The following EPB42 variants were observed in gnomAD, a reference collection of about 807,000 sequenced individuals.
EPB42 encodes erythrocyte membrane protein band 4.2, also known as protein 4.2.
In EPB42, 49 loss-of-function variants were observed where a neutral mutation model predicts 76.9. The ratio of observed to expected loss-of-function variants is 0.64; its 90% CI spans 0.51 to 0.81. The LOEUF (loss-of-function observed/expected upper bound fraction) is 0.81. EPB42 is among the 30% of genes least tolerant of loss of function. The pLI, the probability that EPB42 is intolerant of heterozygous loss-of-function variation, is 0.00. For missense variants in EPB42, 731 were observed against 867.6 expected, an observed-to-expected ratio of 0.84 and a Z score of 1.98; for synonymous variants, 310 against 338.4, an observed-to-expected ratio of 0.92 and a Z score of 0.92.
At chr15:43,217,536 T>C (rs946053022) in intron 1 of EPB42, among the ~76,000 whole-genome samples, 1 of 8,364 alleles carries the variant, frequency 1.2e-4, no homozygotes, top group Non-Finnish European at 7.8e-3. Context: ...GGAACAATGC[T>C]GGAAAAAAAG....
At chr15:43,208,476 G>A in intron 7 of EPB42, 143 bp from the exon 8 acceptor site, 1 of 1,395,644 alleles carries the variant, frequency 7.2e-7, no homozygotes, top group Non-Finnish European at 1.0e-6. Context: ...TCCCAGGAAG[G>A]GGCGTGCACA....
intron 1 of EPB42, among the ~76,000 whole-genome samples, chr15:43,216,905 CTT>C (rs2042386667): frequency 6.6e-6 from 1 of 152,148 alleles, no homozygotes; most frequent in Non-Finnish European, 1.5e-5. Context: ...GTCCAATTCT[CTT>C]GTTTTATAGA....
At chr15:43,200,817 A>ATTTTTTT (rs34556953) in intron 12 of EPB42, among the ~76,000 whole-genome samples, 1 of 143,678 alleles carries the variant, frequency 7.0e-6, no homozygotes, top group African/African-American at 2.6e-5. Flanking sequence ...ACTCCACCAA[A>ATTTTTTT]TTTTTTTTTT....
intron 1 of EPB42, 75 bp downstream of exon 1, chr15:43,220,741 C>T (rs779395979): frequency 1.2e-5 from 19 of 1,612,382 alleles, no homozygotes; most frequent in Non-Finnish European, 1.4e-5. Flanking sequence ...ATCCCACTTC[C>T]TTTAATGAAA....
In EPB42 at chr15:43,217,367, A is replaced by G. The variant is rs1001313572; in HGVS notation, c.11-914T>C. Among the ~76,000 whole-genome samples the G allele has an allele frequency of 3.3e-5, 5 of 152,326 alleles. No homozygotes were observed. In the South Asian group the frequency reaches 1.0e-3, roughly 32 times the overall value. On this transcript the variant is annotated intron_variant, in intron 1 of 12. Coordinates refer to ENST00000441366, the MANE Select transcript of EPB42 (RefSeq NM_001114134.2). ...GGCCTCCCCAGGAGCAGAAGCTTGT[A>G]TAGCCCGCAGAACCATGAGCCAGTT...
rs1363936278 is a variant in EPB42 at position 43,210,431 on chromosome 15, C to G, written c.558G>C (p.Gly186=). ...AESWDFGQFE[G]DVIDLSLRLL... ...AGCGCAGGCTGAGGTCAATGACATC[C>G]CCCTCGAACTGTTAAGGATCACACA... The change falls in exon 5 of 13, where the codon GGG becomes GGC. Residue 186 remains glycine, a synonymous_variant. Transcript: ENST00000441366. 4 of 1,613,600 alleles carry G rather than the reference C, an allele frequency of 2.5e-6. No individual in the cohort carries two copies.
chr15:43,221,411 T>C (rs1039365323), upstream of EPB42, among the ~76,000 whole-genome samples: 6 of 152,112 alleles, frequency 3.9e-5, no homozygotes, highest in African/African-American at 1.4e-4. Context: ...GAAGTAGAAT[T>C]TGTTGGTGAA....
chr15:43,215,382 A>G (rs547154618), intron 2 of EPB42, 54 bp from the exon 3 acceptor site: 87 of 1,568,196 alleles, frequency 5.5e-5, no homozygotes, highest in Non-Finnish European at 7.5e-5. Context: ...CACAACTCAG[A>G]GTAATAAGGT....
In EPB42 at chr15:43,209,348, C is replaced by T. The variant is rs200979505; in HGVS notation, c.758G>A (p.Arg253Gln). 27 of 1,614,148 alleles carry T rather than the reference C, an allele frequency of 1.7e-5. No homozygotes were observed. The highest frequency in any genetic ancestry group is 2.2e-5 in the South Asian group (2 of 91,084). ...TCGGCCTCGGCCGGTGAGCCACTGC[C>T]GCAGGATGGGCACGCTGCCCCGGCG... ...NKRRGSVPIL[R>Q]QWLTGRGRPV... Residue 253 changes from arginine to glutamine, a missense_variant, in exon 6 of 13, where the codon CGG (arginine) becomes CAG (glutamine). By Grantham distance (43) the Arg-to-Gln change is conservative. Coordinates refer to ENST00000441366, the MANE Select transcript of EPB42 (RefSeq NM_001114134.2).
chr15:43,220,658 CCACAGCCACCTCATTATCACCAGTA>C, intron 1 of EPB42, 133 bp downstream of exon 1: 5 of 1,111,380 alleles, frequency 4.5e-6, no homozygotes, highest in Non-Finnish European at 5.2e-6. Context: ...CACCCCCCCC[CCACAGCCACCTCATTATCACCAGTA>C]CCCCCTCCCC....
At chr15:43,200,448 A>G (rs959021133) in intron 12 of EPB42, among the ~76,000 whole-genome samples, 7 of 152,208 alleles carry the variant, frequency 4.6e-5, no homozygotes, top group Non-Finnish European at 8.8e-5. Context: ...AGGGACTAAT[A>G]CCTGGACTAT....
At position 43,216,439 on chromosome 15, in the gene EPB42, T is replaced by C. The variant is rs1413355099; in HGVS notation, c.25A>G (p.Ser9Gly). 1.2e-6 allele frequency: 2 copies of C among 1,614,126 alleles called. No homozygotes were observed. Among genetic ancestry groups the C allele is most frequent in the Non-Finnish European group, 1.7e-6 (2 of 1,180,036 alleles). Residue 9 changes from serine to glycine, a missense_variant, in exon 2 of 13, where the codon AGC (serine) becomes GGC (glycine). Coordinates refer to ENST00000441366, the MANE Select transcript of EPB42 (RefSeq NM_001114134.2). MGQALGIK[S>G]CDFQAARNNE... is the part of the protein sequence containing the mutation. ...TTTCTTGCTGCCTGAAAGTCACAGC[T>C]CTTGATACCCAGGGCTGTTGTGGGA...
chr15:43,206,733 C>A lies in EPB42; in HGVS notation c.1319-104G>T. The A allele has an allele frequency of 7.2e-7, 1 of 1,393,366 alleles. No individual in the cohort carries two copies. The highest frequency in any genetic ancestry group is 2.1e-4 in the Middle Eastern group (1 of 4,738). The allele number at this position is 1,393,366 out of a possible 1,614,324, so 86.3% of individuals were successfully genotyped here. ...CATTTACCCACTTCTGCTCAAATGC[C>A]AAAGTCACAAGAACTCAGCAAGCCT... On this transcript the variant is annotated intron_variant, in intron 9 of 12. Coordinates refer to ENST00000441366, the MANE Select transcript of EPB42 (RefSeq NM_001114134.2). The surrounding 1 kb of genome is among the most constrained non-coding windows in gnomAD (Gnocchi z 4.7).
At chr15:43,201,752 T>C (rs2042128982) in intron 12 of EPB42, 92 bp downstream of exon 12, 1 of 1,583,270 alleles carries the variant, frequency 6.3e-7, no homozygotes, top group East Asian at 2.2e-5. Flanking sequence ...GCTGTCTGCA[T>C]GGACATGGCA....
At chr15:43,214,839 G>T (rs888326460) in intron 3 of EPB42, among the ~76,000 whole-genome samples, 2 of 152,190 alleles carry the variant, frequency 1.3e-5, no homozygotes, top group Admixed American at 1.3e-4. Flanking sequence ...CAGCACCAGG[G>T]TCTGGTGGTG....
At position 43,215,461 on chromosome 15, in the gene EPB42, A is replaced by G. The variant is rs142071557; in HGVS notation, c.197-133T>C. The stretch of plus-strand genomic sequence containing the variant: ...GATAATGAAAGTGACCCACCTAGAA[A>G]TGAGGCCCATCAAGAAAGAGTGATA... On this transcript the variant is annotated intron_variant, in intron 2 of 12. Coordinates refer to ENST00000441366, the MANE Select transcript of EPB42 (RefSeq NM_001114134.2). The G allele has an allele frequency of 1.6e-4, 144 of 890,604 alleles. 2 individuals are homozygous for G. The highest frequency in any genetic ancestry group is 3.2e-4 in the Admixed American group (16 of 50,198). 55.2% of individuals were successfully genotyped at this position (890,604 alleles called of 1,614,324 possible).
chr15:43,205,744 C>T (rs2042193148), intron 10 of EPB42, among the ~76,000 whole-genome samples: 1 of 152,134 alleles, frequency 6.6e-6, no homozygotes, highest in Admixed American at 6.5e-5. Flanking sequence ...GCAGGCTGAG[C>T]ATCAAACTTC....
upstream of EPB42, among the ~76,000 whole-genome samples, chr15:43,224,043 C>T (rs1341426830): frequency 4.6e-5 from 7 of 152,088 alleles, no homozygotes; most frequent in East Asian, 1.9e-4. Context: ...GCAGCCTCTA[C>T]GGAGAGTGTT....
Position 43,207,352 on chromosome 15 carries a change from T to G in EPB42, c.1165A>C (p.Ile389Leu), listed in dbSNP as rs141596199. 208 of 1,614,098 alleles carry G rather than the reference T, an allele frequency of 1.3e-4. No homozygotes were observed. The Middle Eastern group carries it at 1.8e-3, about 14-fold the overall frequency. ...TPAVSDLFAA[I>L]NASCVVWKCC... The stretch of plus-strand genomic sequence containing the variant: ...TTCCAGACCACACATGAGGCATTTA[T>G]GGCAGCAAAAAGGTCTGACACTGCT... Residue 389 changes from isoleucine to leucine, a missense_variant, in exon 9 of 13, where the codon ATA (isoleucine) becomes CTA (leucine). Transcript: ENST00000441366.
Sources: allele counts gnomAD v4.1 joint callset (sites outside exome capture counted in the v4.1 genomes callset), GRCh38; gene constraint gnomAD v4.1.1; non-coding constraint Gnocchi (gnomAD v3.1); transcripts MANE v1.5; gene names NCBI Gene and HGNC (gene_info 2026-07-23, HGNC 2026-07-21).